The following CAMK2D variants were observed in gnomAD, a reference collection of about 807,000 sequenced individuals.
CAMK2D encodes the protein calcium/calmodulin-dependent protein kinase type II subunit delta.
Under a neutral mutation model 84.0 loss-of-function variants are expected in CAMK2D, and 37 were observed. The observed-to-expected ratio is 0.44, with a 90% CI of 0.34 to 0.58. CAMK2D has a LOEUF of 0.58. Among genes scored for constraint, CAMK2D ranks in the 20% least tolerant of loss-of-function variants. The pLI is 0.02. For missense variants in CAMK2D, 448 were observed against 652.5 expected (o/e 0.69, Z 3.41); for synonymous variants, 202 against 212.5 (o/e 0.95, Z 0.43).
At chr4:113,621,943 G>A (rs937619128) in intron 3 of CAMK2D, among the ~76,000 whole-genome samples, 23 of 152,222 alleles carry the variant, frequency 1.5e-4, no homozygotes, top group African/African-American at 5.5e-4. Flanking sequence ...AATGAACTAC[G>A]AAATGTCTTC....
chr4:113,540,641 C>G (rs776082248), intron 6 of CAMK2D, among the ~76,000 whole-genome samples: 1 of 152,166 alleles, frequency 6.6e-6, no homozygotes, highest in Non-Finnish European at 1.5e-5. Flanking sequence ...TATCTCACAA[C>G]AGTTTCTATG....
intron 3 of CAMK2D, among the ~76,000 whole-genome samples, chr4:113,620,218 T>C (rs1250544292): frequency 3.9e-5 from 6 of 152,074 alleles, no homozygotes; most frequent in Admixed American, 3.9e-4. Context: ...GGTTCTGTGG[T>C]GTGTAGAGGC....
At chr4:113,629,963 C>T (rs995040087) in intron 3 of CAMK2D, among the ~76,000 whole-genome samples, 1 of 151,378 alleles carries the variant, frequency 6.6e-6, no homozygotes, top group South Asian at 2.1e-4. Flanking sequence ...TTAAGAATGG[C>T]AATTTAATTT....
intron 9 of CAMK2D, among the ~76,000 whole-genome samples, chr4:113,516,014 C>T (rs1353767053): frequency 1.3e-5 from 2 of 152,162 alleles, no homozygotes; most frequent in African/African-American, 4.8e-5. Flanking sequence ...GGGAAATTTA[C>T]ACCACATTAG....
At chr4:113,716,689 T>C (rs1370012960) in intron 2 of CAMK2D, among the ~76,000 whole-genome samples, 1 of 149,674 alleles carries the variant, frequency 6.7e-6, no homozygotes, top group Non-Finnish European at 1.5e-5. Context: ...CACAAGCCTG[T>C]AGAACTCATC....
intron 4 of CAMK2D, among the ~76,000 whole-genome samples, chr4:113,597,207 T>C (rs1079908): frequency 0.019 from 2,822 of 152,316 alleles, 48 homozygotes; most frequent in Middle Eastern, 0.088. Context: ...AGTTAACCTG[T>C]TCTTGAAAGC....
At chr4:113,652,672 T>C (rs1476894604) in intron 3 of CAMK2D, among the ~76,000 whole-genome samples, 1 of 152,166 alleles carries the variant, frequency 6.6e-6, no homozygotes, top group Non-Finnish European at 1.5e-5. Context: ...TAGGGCCGAC[T>C]TCTGAGCTGA....
intron 6 of CAMK2D, among the ~76,000 whole-genome samples, chr4:113,538,911 A>G (rs1035385389): frequency 1.3e-5 from 2 of 152,188 alleles, no homozygotes; most frequent in East Asian, 1.9e-4. Context: ...GGTAAATGTG[A>G]GAAAACTTTT....
chr4:113,455,835 C>T lies in CAMK2D; in HGVS notation c.1536-14G>A, dbSNP rs765036496. The T allele has an allele frequency of 1.3e-6, 2 of 1,521,538 alleles. No homozygotes were observed. The highest frequency in any genetic ancestry group is 1.1e-5 in the South Asian group (1 of 89,176). 94.3% of individuals were successfully genotyped at this position (1,521,538 alleles called of 1,614,324 possible). A position where few individuals can be genotyped will look rare whatever the true frequency, so the allele number is the denominator to read the frequency against. On this transcript the variant is annotated splice_polypyrimidine_tract_variant and intron_variant, in intron 19 of 20. Coordinates refer to ENST00000511664, the MANE Select transcript of CAMK2D (RefSeq NM_001321571.2). ...ATACAGGGTGGCCTATTAAGAGAAG[C>T]CCCATTTAAGCCACCTGGCATAAAA...
At chr4:113,555,889 C>T (rs1401733561) in intron 4 of CAMK2D, among the ~76,000 whole-genome samples, 3 of 151,960 alleles carry the variant, frequency 2.0e-5, no homozygotes, top group East Asian at 1.9e-4. Context: ...CATTTGGGGT[C>T]GTTACCAAAG....
In CAMK2D at chr4:113,475,271, A is replaced by C. The variant is rs73841638; in HGVS notation, c.1136-9667T>G. Among the ~76,000 whole-genome samples the C allele has an allele frequency of 4.9e-3, 747 of 152,332 alleles. 6 individuals carry two copies. The highest frequency in any genetic ancestry group is 0.017 in the African/African-American group (721 of 41,570). ...TGCTTTCTTGGATCAAGAAGGCAGA[A>C]AGAGCTGAAGAGCATGTCCTCTCTA... On this transcript the variant is annotated intron_variant, in intron 16 of 20. Coordinates refer to ENST00000511664, the MANE Select transcript of CAMK2D (RefSeq NM_001321571.2).
At chr4:113,633,060 A>G (rs1005811135) in intron 3 of CAMK2D, among the ~76,000 whole-genome samples, 2 of 152,234 alleles carry the variant, frequency 1.3e-5, no homozygotes, top group South Asian at 2.1e-4. Flanking sequence ...ATAAAGCTAT[A>G]AAGTAAATTC....
At chr4:113,478,187 GT>G (rs1369821309) in intron 16 of CAMK2D, among the ~76,000 whole-genome samples, 1 of 152,068 alleles carries the variant, frequency 6.6e-6, no homozygotes, top group Non-Finnish European at 1.5e-5. Flanking sequence ...GACTACAAAG[GT>G]TATCGCTGGC....
At chr4:113,594,338 T>C (rs1029416752) in intron 4 of CAMK2D, among the ~76,000 whole-genome samples, 2 of 152,134 alleles carry the variant, frequency 1.3e-5, no homozygotes, top group African/African-American at 4.8e-5. Context: ...ATCCAAACCA[T>C]ATCACCTAGT....
intron 2 of CAMK2D, among the ~76,000 whole-genome samples, chr4:113,715,616 T>C (rs185037429): frequency 8.9e-4 from 135 of 152,286 alleles, no homozygotes; most frequent in South Asian, 1.2e-3. Flanking sequence ...TATAGGTGGT[T>C]TCCAGGATCA....
intron 16 of CAMK2D, among the ~76,000 whole-genome samples, chr4:113,491,888 G>A (rs1020532738): frequency 1.6e-4 from 24 of 152,124 alleles, no homozygotes; most frequent in African/African-American, 5.8e-4. Context: ...ATGTGTCCAG[G>A]AATTTATCCA....
At chr4:113,736,355 T>A (rs1226455060) in intron 2 of CAMK2D, among the ~76,000 whole-genome samples, 1 of 152,154 alleles carries the variant, frequency 6.6e-6, no homozygotes, top group Non-Finnish European at 1.5e-5. Flanking sequence ...AGCCTTCAAC[T>A]AGTTAACCCC....
chr4:113,567,168 CTTT>C (rs1317760050), intron 4 of CAMK2D, among the ~76,000 whole-genome samples: 5 of 129,378 alleles, frequency 3.9e-5, no homozygotes, highest in Non-Finnish European at 8.2e-5. Flanking sequence ...TTTTCTTTTC[CTTT>C]TTTTTTTTTT....
At chr4:113,498,411 A>G (rs1290033090) in intron 16 of CAMK2D, among the ~76,000 whole-genome samples, 1 of 152,236 alleles carries the variant, frequency 6.6e-6, no homozygotes, top group Non-Finnish European at 1.5e-5. Flanking sequence ...GTTAGTCTCC[A>G]GAAGGCTGTC....
Sources: gnomAD v4.1 joint callset for allele counts (sites outside exome capture counted in the v4.1 genomes callset) on GRCh38, gnomAD v4.1.1 for gene constraint, MANE v1.5 for transcripts, NCBI Gene and HGNC (gene_info 2026-07-23, HGNC 2026-07-21) for gene names.